Variants in NKAIN2 observed in about 807,000 individuals in gnomAD.
The protein encoded by NKAIN2 is sodium/potassium-transporting ATPase subunit beta-1-interacting protein 2.
A neutral mutation model predicts 32.6 loss-of-function variants in NKAIN2; 14 were observed. The observed-to-expected ratio is 0.43, with a 90% confidence interval of 0.28 to 0.67. The LOEUF (loss-of-function observed/expected upper bound fraction) is 0.67. NKAIN2 is among the 30% of genes least tolerant of loss of function. NKAIN2 has a pLI of 0.17. For missense variants in NKAIN2, 198 were observed against 258.3 expected (o/e 0.77, Z 1.60); for synonymous variants, 80 against 87.2 (o/e 0.92, Z 0.46).
intron 1 of NKAIN2, among the ~76,000 whole-genome samples, chr6:124,144,143 C>A (rs907691628): frequency 6.6e-6 from 1 of 152,124 alleles, no homozygotes; most frequent in African/African-American, 2.4e-5. Flanking sequence ...TAATTGAAAT[C>A]TGAAAAGAAT....
chr6:124,770,338 C>G lies in NKAIN2; in HGVS notation c.475-21001C>G, dbSNP rs542851457. Among the ~76,000 whole-genome samples, 20 of 152,218 alleles carry G rather than the reference C, an allele frequency of 1.3e-4. No homozygotes were observed. The East Asian group carries it at 3.5e-3, about 27-fold the overall frequency. ...TTTTCTGTTTCCTGTCTGTTAGTCT[C>G]CATTCACACCCTTACACTCATTTCA... On this transcript the variant is annotated intron_variant, in intron 4 of 6. Transcript: ENST00000368417.
chr6:124,390,133 CT>C (rs1773080447), intron 3 of NKAIN2, among the ~76,000 whole-genome samples: 1 of 152,076 alleles, frequency 6.6e-6, no homozygotes, highest in South Asian at 2.1e-4. Context: ...TTCTCTAGTC[CT>C]TTTCTAGCAA....
At chr6:124,691,683 G>GA in intron 4 of NKAIN2, among the ~76,000 whole-genome samples, 1 of 152,004 alleles carries the variant, frequency 6.6e-6, no homozygotes, top group East Asian at 1.9e-4. Flanking sequence ...AATAAGAATG[G>GA]AAAAAGTCAT....
chr6:124,470,266 G>C (rs918321064), intron 3 of NKAIN2, among the ~76,000 whole-genome samples: 3 of 152,094 alleles, frequency 2.0e-5, no homozygotes, highest in African/African-American at 7.2e-5. Context: ...GCAGGAGCCT[G>C]GCCAGGCAGA....
At chr6:123,985,664 A>G (rs1779103669) in intron 1 of NKAIN2, among the ~76,000 whole-genome samples, 2 of 152,220 alleles carry the variant, frequency 1.3e-5, no homozygotes, top group Non-Finnish European at 2.9e-5. Flanking sequence ...TAGGCACACA[A>G]CATAGTGGCA....
intron 1 of NKAIN2, among the ~76,000 whole-genome samples, chr6:124,109,710 CTTG>C (rs1785284955): frequency 6.6e-6 from 1 of 151,972 alleles, no homozygotes; most frequent in Non-Finnish European, 1.5e-5. Flanking sequence ...GCTTTCTGTT[CTTG>C]TTAAGTCTGA....
chr6:123,924,108 A>T (rs1416371160), intron 1 of NKAIN2, among the ~76,000 whole-genome samples: 1 of 152,194 alleles, frequency 6.6e-6, no homozygotes, highest in Admixed American at 6.5e-5. Context: ...TTAAAATTTT[A>T]TTGTCAAAGA....
At chr6:124,322,708 A>C (rs2115028824) in intron 2 of NKAIN2, among the ~76,000 whole-genome samples, 1 of 152,352 alleles carries the variant, frequency 6.6e-6, no homozygotes, top group Admixed American at 6.5e-5. Flanking sequence ...TTACAAATGA[A>C]GTTGCTGTGA....
At chr6:123,898,709 C>A (rs1359765940) in intron 1 of NKAIN2, among the ~76,000 whole-genome samples, 1 of 152,078 alleles carries the variant, frequency 6.6e-6, no homozygotes, top group Non-Finnish European at 1.5e-5. Context: ...TCATCATCAT[C>A]ATCACTGTCA....
At chr6:124,598,460 G>T (rs1287249614) in intron 3 of NKAIN2, among the ~76,000 whole-genome samples, 1 of 152,022 alleles carries the variant, frequency 6.6e-6, no homozygotes, top group Admixed American at 6.6e-5. Context: ...TGTGATATAT[G>T]GTTCTTGATG....
chr6:124,744,219 C>A (rs545400904), intron 4 of NKAIN2, among the ~76,000 whole-genome samples: 19 of 151,920 alleles, frequency 1.3e-4, no homozygotes, highest in African/African-American at 4.3e-4. Flanking sequence ...GTTTTAGTTG[C>A]AAACACACAT....
intron 3 of NKAIN2, among the ~76,000 whole-genome samples, chr6:124,549,193 C>T (rs576039700): frequency 3.9e-5 from 6 of 152,078 alleles, no homozygotes; most frequent in South Asian, 2.1e-4. Context: ...AGTAAAACCC[C>T]GTCTCTACTA....
At chr6:124,126,547 C>T (rs951606250) in intron 1 of NKAIN2, among the ~76,000 whole-genome samples, 1 of 151,436 alleles carries the variant, frequency 6.6e-6, no homozygotes, top group African/African-American at 2.4e-5. Flanking sequence ...AAAGCCACCT[C>T]TTCCAAATGT....
At chr6:124,694,191 A>G (rs1044483041) in intron 4 of NKAIN2, among the ~76,000 whole-genome samples, 2 of 134,056 alleles carry the variant, frequency 1.5e-5, no homozygotes, top group East Asian at 4.1e-4. Flanking sequence ...CATTATCTTT[A>G]GCAGAAAATA....
intron 3 of NKAIN2, among the ~76,000 whole-genome samples, chr6:124,446,715 G>A (rs1209701733): frequency 6.6e-6 from 1 of 150,818 alleles, no homozygotes; most frequent in Non-Finnish European, 1.5e-5. Flanking sequence ...GGGAAATGGG[G>A]TCTCTATGAA....
intron 4 of NKAIN2, among the ~76,000 whole-genome samples, chr6:124,705,096 A>G (rs775835140): frequency 5.9e-5 from 9 of 152,076 alleles, no homozygotes; most frequent in Non-Finnish European, 1.2e-4. Context: ...GAAAGAAACT[A>G]GATGCTTCCA....
intron 4 of NKAIN2, among the ~76,000 whole-genome samples, chr6:124,737,335 C>T (rs1776998608): frequency 6.6e-6 from 1 of 151,820 alleles, no homozygotes; most frequent in African/African-American, 2.4e-5. Context: ...GCTTTTCCCC[C>T]TTTTGCTTGG....
chr6:124,736,399 T>C (rs1776943691), intron 4 of NKAIN2, among the ~76,000 whole-genome samples: 1 of 151,956 alleles, frequency 6.6e-6, no homozygotes, highest in African/African-American at 2.4e-5. Context: ...CTAAGATCAT[T>C]GATGAAGGTG....
chr6:124,200,236 A>G (rs1217940113), intron 1 of NKAIN2, among the ~76,000 whole-genome samples: 1 of 152,160 alleles, frequency 6.6e-6, no homozygotes, highest in African/African-American at 2.4e-5. Context: ...GCTCAGGAGA[A>G]AGCTTCTGAA....
Sources: gnomAD v4.1 joint callset for allele counts (sites outside exome capture counted in the v4.1 genomes callset) on GRCh38, gnomAD v4.1.1 for gene constraint, MANE v1.5 for transcripts, NCBI Gene and HGNC (gene_info 2026-07-23, HGNC 2026-07-21) for gene names.